The following EVA1C variants were observed in gnomAD, a reference collection of about 807,000 sequenced individuals.
The protein encoded by EVA1C is protein eva-1 homolog C.
Under a neutral mutation model 45.4 loss-of-function variants are expected in EVA1C, and 25 were observed. That is an observed-to-expected ratio of 0.55 (90% confidence interval 0.40 to 0.77). The LOEUF is 0.77. Ranked by LOEUF, EVA1C falls within the 30% of genes least tolerant of loss-of-function variation. The pLI, the probability that EVA1C is intolerant of heterozygous loss-of-function variation, is 0.00. For missense variants in EVA1C, 479 were observed against 554.8 expected (o/e 0.86, Z 1.37); for synonymous variants, 190 against 221.2 (o/e 0.86, Z 1.25).
chr21:32,468,651 G>A (rs2146305552), intron 4 of EVA1C, among the ~76,000 whole-genome samples: 1 of 152,244 alleles, frequency 6.6e-6, no homozygotes, highest in South Asian at 2.1e-4. Flanking sequence ...GAAGCATCCA[G>A]CACGGGAGAA....
intron 1 of EVA1C, among the ~76,000 whole-genome samples, chr21:32,418,409 G>A (rs767190529): frequency 1.3e-5 from 2 of 152,238 alleles, no homozygotes; most frequent in South Asian, 2.1e-4. Context: ...GAAGAGTCTC[G>A]GCCCACAAGT....
intron 6 of EVA1C, 130 bp from the exon 7 acceptor site, chr21:32,503,796 G>A: frequency 3.2e-6 from 2 of 617,858 alleles, no homozygotes; most frequent in Non-Finnish European, 5.7e-6. Flanking sequence ...TTAGCCAGAG[G>A]CCCATTTGTT....
chr21:32,436,748 A>C (rs2034968566), intron 1 of EVA1C, among the ~76,000 whole-genome samples: 1 of 152,272 alleles, frequency 6.6e-6, no homozygotes, highest in Non-Finnish European at 1.5e-5. Flanking sequence ...ACCCCCCAAG[A>C]TTCTATGCTC....
intron 4 of EVA1C, among the ~76,000 whole-genome samples, chr21:32,491,916 G>A (rs557271187): frequency 2.0e-4 from 31 of 152,238 alleles, no homozygotes; most frequent in Admixed American, 2.0e-3. Flanking sequence ...GGAGTGGCCA[G>A]CGCTGAAGGC....
chr21:32,507,040 G>A (rs900524937), intron 7 of EVA1C, among the ~76,000 whole-genome samples: 26 of 152,166 alleles, frequency 1.7e-4, no homozygotes, highest in African/African-American at 6.0e-4. Flanking sequence ...ACACAGTAGT[G>A]CAGTCCAGTG....
intron 4 of EVA1C, among the ~76,000 whole-genome samples, chr21:32,475,983 A>G (rs1393459561): frequency 6.6e-6 from 1 of 152,082 alleles, no homozygotes; most frequent in Non-Finnish European, 1.5e-5. Flanking sequence ...AGCTTTATGT[A>G]TGATTTTTCT....
intron 1 of EVA1C, among the ~76,000 whole-genome samples, chr21:32,442,482 C>A (rs76111755): frequency 0.11 from 16,927 of 151,964 alleles, 1,111 homozygotes; most frequent in Middle Eastern, 0.25. Flanking sequence ...TGGCTCCCCA[C>A]CCCCCAACCC....
chr21:32,433,862 T>C (rs1427030274), intron 1 of EVA1C, among the ~76,000 whole-genome samples: 1 of 58,684 alleles, frequency 1.7e-5, no homozygotes, highest in East Asian at 1.0e-3. Flanking sequence ...GGTGTCCTTA[T>C]GGAAAGGGGA....
At chr21:32,437,752 C>T (rs2035015433) in intron 1 of EVA1C, among the ~76,000 whole-genome samples, 2 of 152,196 alleles carry the variant, frequency 1.3e-5, no homozygotes, top group South Asian at 4.1e-4. Flanking sequence ...TTTGCCCTCT[C>T]CCTACACACC....
intron 4 of EVA1C, among the ~76,000 whole-genome samples, chr21:32,489,673 G>A (rs751084357): frequency 4.6e-5 from 7 of 152,306 alleles, no homozygotes; most frequent in South Asian, 2.1e-4. Context: ...CATTGAGCCT[G>A]TAGATCACTT....
intron 4 of EVA1C, among the ~76,000 whole-genome samples, chr21:32,489,331 C>T (rs569707605): frequency 1.4e-4 from 22 of 152,304 alleles, no homozygotes; most frequent in African/African-American, 4.6e-4. Flanking sequence ...TTCCAAAACC[C>T]CAACACCATT....
At chr21:32,509,979 G>A (rs751915241) in intron 7 of EVA1C, among the ~76,000 whole-genome samples, 35 of 151,722 alleles carry the variant, frequency 2.3e-4, no homozygotes, top group Non-Finnish European at 4.7e-4. Context: ...GGTCATAGCC[G>A]GCTTCCTAGG....
intron 1 of EVA1C, among the ~76,000 whole-genome samples, chr21:32,447,031 C>T (rs867127944): frequency 5.3e-5 from 8 of 152,300 alleles, no homozygotes; most frequent in East Asian, 3.9e-4. Flanking sequence ...TTGGAGCCCA[C>T]GGTTCATCAT....
chr21:32,438,336 A>G (rs2035041619), intron 1 of EVA1C, among the ~76,000 whole-genome samples: 1 of 151,884 alleles, frequency 6.6e-6, no homozygotes, highest in Admixed American at 6.6e-5. Flanking sequence ...ATCTCTACTA[A>G]AAATACAAAA....
At chr21:32,512,838 G>T (rs1025059403) in intron 7 of EVA1C, among the ~76,000 whole-genome samples, 1 of 152,078 alleles carries the variant, frequency 6.6e-6, no homozygotes. Context: ...AGGGTTTGGA[G>T]AGGACAGTGG....
intron 4 of EVA1C, among the ~76,000 whole-genome samples, chr21:32,477,254 C>T (rs1476410274): frequency 6.6e-6 from 1 of 152,092 alleles, no homozygotes; most frequent in Admixed American, 6.5e-5. Flanking sequence ...TACATTTTCT[C>T]TAACATACCC....
chr21:32,462,234 A>C (rs2036023342), intron 3 of EVA1C, among the ~76,000 whole-genome samples: 2 of 151,650 alleles, frequency 1.3e-5, no homozygotes, highest in African/African-American at 4.8e-5. Context: ...AAAAAAAAAA[A>C]AAAAAAACAA....
intron 7 of EVA1C, among the ~76,000 whole-genome samples, chr21:32,508,007 A>G (rs1265319848): frequency 6.6e-6 from 1 of 150,722 alleles, no homozygotes; most frequent in Non-Finnish European, 1.5e-5. Flanking sequence ...GCGTGTGTGT[A>G]CGCATGCATG....
chr21:32,509,699 G>A (rs1459156552), intron 7 of EVA1C, among the ~76,000 whole-genome samples: 2 of 151,986 alleles, frequency 1.3e-5, no homozygotes, highest in East Asian at 1.9e-4. Flanking sequence ...AGTGAGTGAC[G>A]ATTGTAAGTT....
Sources: allele counts gnomAD v4.1 joint callset (sites outside exome capture counted in the v4.1 genomes callset), GRCh38; gene constraint gnomAD v4.1.1; transcripts MANE v1.5; gene names NCBI Gene and HGNC (gene_info 2026-07-23, HGNC 2026-07-21).